Variants in SERGEF observed in about 807,000 individuals in gnomAD.
SERGEF encodes the protein secretion-regulating guanine nucleotide exchange factor.
In SERGEF, 51 loss-of-function variants were observed where a neutral mutation model predicts 50.0. That is an observed-to-expected ratio of 1.02 (90% CI 0.81 to 1.29). SERGEF has a LOEUF of 1.29. Ranked by LOEUF, SERGEF falls within the 50% of genes most tolerant of loss-of-function variation. The probability of loss-of-function intolerance (pLI) is 0.00; values close to 1 mark genes in which losing one functional copy is unlikely to be tolerated. For missense variants in SERGEF, 521 were observed against 557.0 expected (o/e 0.94, Z 0.65); for synonymous variants, 205 against 212.4 (o/e 0.97, Z 0.30).
At chr11:18,003,769 T>C (rs1233042261) in intron 4 of SERGEF, among the ~76,000 whole-genome samples, 1 of 152,214 alleles carries the variant, frequency 6.6e-6, no homozygotes, top group East Asian at 1.9e-4. Context: ...GGCAAATCTA[T>C]AGAGACAAAA....
chr11:17,926,222 T>G (rs1038230635), intron 9 of SERGEF, among the ~76,000 whole-genome samples: 2 of 152,130 alleles, frequency 1.3e-5, no homozygotes, highest in Admixed American at 6.6e-5. Context: ...TCAGGAGATA[T>G]CTAACGACAT....
chr11:17,788,483 G>A, intron 10 of SERGEF, 70 bp from the exon 11 acceptor site: 1 of 1,329,416 alleles, frequency 7.5e-7, no homozygotes, highest in African/African-American at 1.5e-5. Flanking sequence ...CACCCTGAGG[G>A]TACAGGTATC....
At chr11:17,989,069 T>A (rs1853656106) in intron 7 of SERGEF, among the ~76,000 whole-genome samples, 1 of 152,230 alleles carries the variant, frequency 6.6e-6, no homozygotes, top group Admixed American at 6.5e-5. Flanking sequence ...GAGACACATT[T>A]CTCTATTTTC....
chr11:17,822,134 G>A (rs567346189), intron 10 of SERGEF, among the ~76,000 whole-genome samples: 1 of 152,172 alleles, frequency 6.6e-6, no homozygotes, highest in Non-Finnish European at 1.5e-5. Flanking sequence ...ACCAGCATCT[G>A]GCTCAGGCTG....
intron 8 of SERGEF, among the ~76,000 whole-genome samples, chr11:17,972,819 GC>G (rs1853278952): frequency 6.6e-6 from 1 of 152,026 alleles, no homozygotes; most frequent in South Asian, 2.1e-4. Context: ...ATTCCTCACT[GC>G]CTCCATCCCA....
intron 9 of SERGEF, among the ~76,000 whole-genome samples, chr11:17,879,789 T>C (rs1851305643): frequency 6.6e-6 from 1 of 152,186 alleles, no homozygotes; most frequent in Non-Finnish European, 1.5e-5. Flanking sequence ...AGTTTAGCCA[T>C]TCCACCATGC....
intron 10 of SERGEF, among the ~76,000 whole-genome samples, chr11:17,850,205 A>C (rs1850687546): frequency 1.3e-5 from 2 of 152,242 alleles, no homozygotes; most frequent in Admixed American, 1.3e-4. Flanking sequence ...ATCCCCCATG[A>C]CCCAATCAGC....
At chr11:17,890,866 G>A (rs1265610499) in intron 9 of SERGEF, among the ~76,000 whole-genome samples, 18 of 152,102 alleles carry the variant, frequency 1.2e-4, no homozygotes, top group Admixed American at 1.2e-3. Flanking sequence ...AAAATGATGG[G>A]GGCATGTCAA....
intron 10 of SERGEF, among the ~76,000 whole-genome samples, chr11:17,812,560 A>G (rs1282472234): frequency 2.6e-5 from 4 of 152,174 alleles, no homozygotes; most frequent in Non-Finnish European, 5.9e-5. Context: ...ACAGGGGCCA[A>G]GCAGGAAGAG....
chr11:17,817,847 A>G (rs1238587692), intron 10 of SERGEF, among the ~76,000 whole-genome samples: 1 of 152,204 alleles, frequency 6.6e-6, no homozygotes, highest in Non-Finnish European at 1.5e-5. Flanking sequence ...TCTCCTTGGT[A>G]AGGATGATGT....
rs541665430 is a variant in SERGEF at position 17,884,005 on chromosome 11, G to T, written c.1012-5761C>A. On this transcript the variant is annotated intron_variant, in intron 9 of 10. Transcript: ENST00000265965. The surrounding 1 kb of genome is among the most constrained non-coding windows in gnomAD (Gnocchi z 4.6). ...ACCGGGTTGCGGACCAGAACTCAGGGTCAGGTACGCCAAGGAGAGGAAGTG... is the reference window on the plus strand; with the variant it reads ...ACCGGGTTGCGGACCAGAACTCAGGTTCAGGTACGCCAAGGAGAGGAAGTG... 1.7e-4 allele frequency among the ~76,000 whole-genome samples: 26 copies of T among 152,276 alleles called. No individual in the cohort carries two copies. The highest frequency in any genetic ancestry group is 5.8e-4 in the African/African-American group (24 of 41,572).
chr11:17,804,556 C>T (rs964618027), intron 10 of SERGEF, among the ~76,000 whole-genome samples: 1 of 132,150 alleles, frequency 7.6e-6, no homozygotes, highest in African/African-American at 2.9e-5. Flanking sequence ...TGTTTGAAGT[C>T]AGTAGCTCCA....
intron 8 of SERGEF, among the ~76,000 whole-genome samples, chr11:17,976,626 T>C (rs1482596286): frequency 6.6e-6 from 1 of 152,046 alleles, no homozygotes; most frequent in African/African-American, 2.4e-5. Flanking sequence ...AGAGCACCCA[T>C]GGGATAGGCA....
intron 4 of SERGEF, chr11:18,002,026 G>A (rs992625084): frequency 4.4e-6 from 2 of 456,152 alleles, no homozygotes; most frequent in Admixed American, 4.7e-5. Flanking sequence ...AAAGGGCTGA[G>A]CTTTGGCCTT....
intron 10 of SERGEF, among the ~76,000 whole-genome samples, chr11:17,832,345 ATG>A (rs1393117202): frequency 6.6e-6 from 1 of 152,190 alleles, no homozygotes; most frequent in Non-Finnish European, 1.5e-5. Flanking sequence ...TGCACATAAC[ATG>A]TGAGTTGCTC....
chr11:17,840,393 G>C (rs1399327770), intron 10 of SERGEF, among the ~76,000 whole-genome samples: 3 of 152,156 alleles, frequency 2.0e-5, no homozygotes, highest in Non-Finnish European at 4.4e-5. Flanking sequence ...CATGGTGCCA[G>C]GGCTGGATGA....
intron 4 of SERGEF, among the ~76,000 whole-genome samples, chr11:18,003,471 T>C (rs1314271482): frequency 1.3e-5 from 2 of 152,178 alleles, no homozygotes; most frequent in South Asian, 2.1e-4. Flanking sequence ...CTGAGACATA[T>C]TGTAAGTAAA....
At chr11:17,823,247 C>A (rs1051008769) in intron 10 of SERGEF, among the ~76,000 whole-genome samples, 2 of 152,144 alleles carry the variant, frequency 1.3e-5, no homozygotes, top group Non-Finnish European at 2.9e-5. Flanking sequence ...GGAGGAAGAC[C>A]ACAGAGGTGA....
At chr11:17,906,530 G>A (rs1292717768) in intron 9 of SERGEF, among the ~76,000 whole-genome samples, 1 of 152,152 alleles carries the variant, frequency 6.6e-6, no homozygotes, top group Non-Finnish European at 1.5e-5. Context: ...GGGGTGGGGC[G>A]CTTGGTGGCT....
Sources: allele counts gnomAD v4.1 joint callset (sites outside exome capture counted in the v4.1 genomes callset), GRCh38; gene constraint gnomAD v4.1.1; non-coding constraint Gnocchi (gnomAD v3.1); transcripts MANE v1.5; gene names NCBI Gene and HGNC (gene_info 2026-07-23, HGNC 2026-07-21).